The following OXSR1 variants were observed in gnomAD, a reference collection of about 807,000 sequenced individuals.
The protein encoded by OXSR1 is oxidative stress responsive kinase 1.
In OXSR1, 24 loss-of-function variants were observed where a neutral mutation model predicts 79.8. The observed-to-expected ratio is 0.30, with a 90% CI of 0.22 to 0.42. The LOEUF is 0.42. Among genes scored for constraint, OXSR1 ranks in the 10% least tolerant of loss-of-function variants. The probability of loss-of-function intolerance (pLI) is 1.00; values close to 1 mark genes in which losing one functional copy is unlikely to be tolerated. For missense variants in OXSR1, 430 were observed against 618.4 expected (o/e 0.70, Z 3.23); for synonymous variants, 226 against 209.2 (o/e 1.08, Z -0.69).
In OXSR1 at chr3:38,254,499, A is replaced by G. The variant is rs1221777468; in HGVS notation, c.*1608A>G. On this transcript the variant is annotated 3_prime_UTR_variant, in exon 18 of 18. Transcript: ENST00000311806. ...TGAGATGATCAGACACCGGAGTTCA[A>G]CGTCCCAGCAGTCTTGGTAAAAGGA... 1.6e-5 allele frequency: 6 copies of G among 364,092 alleles called. No individual in the cohort carries two copies. Among genetic ancestry groups the G allele is most frequent in the East Asian group, 7.9e-5 (2 of 25,434 alleles). 22.6% of individuals were successfully genotyped at this position (364,092 alleles called of 1,614,324 possible).
chr3:38,169,801 A>G (rs1701541853), intron 1 of OXSR1, among the ~76,000 whole-genome samples: 1 of 150,620 alleles, frequency 6.6e-6, no homozygotes, highest in Admixed American at 6.6e-5. Flanking sequence ...CAGTGTCATG[A>G]TCAGGGCTCA....
At chr3:38,164,309 C>T (rs1397692492), upstream of OXSR1, among the ~76,000 whole-genome samples, 1 of 152,158 alleles carries the variant, frequency 6.6e-6, no homozygotes, top group Admixed American at 6.5e-5. Context: ...CCACGCCCAG[C>T]GATTTTTCTG....
At chr3:38,229,643 G>C (rs757139224) in intron 8 of OXSR1, 44 bp from the exon 9 acceptor site, 8 of 1,530,910 alleles carry the variant, frequency 5.2e-6, no homozygotes, top group Non-Finnish European at 7.2e-6. Flanking sequence ...CATTACACTT[G>C]AATTAATTAT....
intron 12 of OXSR1, among the ~76,000 whole-genome samples, chr3:38,244,091 G>T (rs865973154): frequency 5.3e-5 from 8 of 152,124 alleles, no homozygotes; most frequent in Admixed American, 1.3e-4. Context: ...AGGATTATTT[G>T]TTACTTCTAA....
At chr3:38,165,175 CT>C (rs1701412948), upstream of OXSR1, 1 of 152,330 alleles carries the variant, frequency 6.6e-6, no homozygotes, top group Non-Finnish European at 1.5e-5. Flanking sequence ...ACACCCATTG[CT>C]TTTCTGATTC....
chr3:38,194,368 A>C (rs1263255131), intron 3 of OXSR1, among the ~76,000 whole-genome samples: 2 of 152,160 alleles, frequency 1.3e-5, no homozygotes, highest in Non-Finnish European at 2.9e-5. Context: ...CCTGGGCAAC[A>C]TGGCAAGACC....
chr3:38,197,703 GTCCTTCAT>G (rs1177174454), intron 3 of OXSR1, among the ~76,000 whole-genome samples: 1 of 152,156 alleles, frequency 6.6e-6, no homozygotes, highest in Admixed American at 6.5e-5. Flanking sequence ...CTTGCGTTCA[GTCCTTCAT>G]GTTTTTGAGA....
intron 10 of OXSR1, among the ~76,000 whole-genome samples, chr3:38,230,997 T>C (rs1196056054): frequency 1.3e-5 from 2 of 152,150 alleles, no homozygotes; most frequent in Admixed American, 1.3e-4. Flanking sequence ...AGCAGACTTA[T>C]CCAATGTGAA....
At chr3:38,191,274 A>C (rs1269908497) in intron 3 of OXSR1, among the ~76,000 whole-genome samples, 1 of 151,784 alleles carries the variant, frequency 6.6e-6, no homozygotes, top group Non-Finnish European at 1.5e-5. Flanking sequence ...TATGTTGCCC[A>C]GGTTCATGTC....
At chr3:38,167,731 G>A (rs1177990138) in intron 1 of OXSR1, among the ~76,000 whole-genome samples, 1 of 152,166 alleles carries the variant, frequency 6.6e-6, no homozygotes, top group Non-Finnish European at 1.5e-5. Context: ...TCTTTGACAT[G>A]TATTCGTTGG....
intron 3 of OXSR1, among the ~76,000 whole-genome samples, chr3:38,191,317 T>G (rs552582845): frequency 2.4e-4 from 37 of 152,166 alleles, no homozygotes; most frequent in Non-Finnish European, 4.9e-4. Flanking sequence ...CCTTCCTACT[T>G]GGCCTCCCAA....
intron 4 of OXSR1, among the ~76,000 whole-genome samples, chr3:38,211,261 C>T (rs1263954710): frequency 6.6e-6 from 1 of 152,106 alleles, no homozygotes; most frequent in Admixed American, 6.6e-5. Flanking sequence ...GAGCGGGACT[C>T]TAAGTATCAG....
intron 14 of OXSR1, among the ~76,000 whole-genome samples, chr3:38,248,081 T>C (rs1490386781): frequency 6.6e-6 from 1 of 152,134 alleles, no homozygotes; most frequent in African/African-American, 2.4e-5. Flanking sequence ...TGAAGATCAG[T>C]CTTATAATTG....
chr3:38,184,005 C>T (rs1416391800), intron 2 of OXSR1, among the ~76,000 whole-genome samples: 1 of 152,114 alleles, frequency 6.6e-6, no homozygotes, highest in African/African-American at 2.4e-5. Flanking sequence ...AGACTCTAAA[C>T]TGCCATACAA....
chr3:38,219,851 AG>A lies in OXSR1; in HGVS notation c.491-1725del, dbSNP rs1286714954. ...GAGAAAGCGTCTTGCTCTGTCACCC[AG>A]GCCAGAGTGCAGTGGTGCAAATGTA... On this transcript the variant is annotated intron_variant, in intron 5 of 17. Coordinates refer to ENST00000311806, the MANE Select transcript of OXSR1 (RefSeq NM_005109.3). 3.3e-5 allele frequency among the ~76,000 whole-genome samples: 5 copies of A among 152,244 alleles called. No individual in the cohort carries two copies. In the East Asian group the frequency reaches 7.7e-4, roughly 24 times the overall value.
intron 11 of OXSR1, among the ~76,000 whole-genome samples, chr3:38,238,291 A>G (rs757985636): frequency 1.3e-5 from 2 of 152,118 alleles, no homozygotes; most frequent in Admixed American, 6.6e-5. Context: ...AAAATAATAT[A>G]CCATGACCAA....
intron 5 of OXSR1, among the ~76,000 whole-genome samples, chr3:38,220,708 C>T (rs1398466057): frequency 6.6e-6 from 1 of 152,210 alleles, no homozygotes; most frequent in Non-Finnish European, 1.5e-5. Context: ...TCCAGTGACC[C>T]TTAATTTCTT....
At chr3:38,207,939 CCTTCCTTCCTTCCTTCCTTCCTTT>C (rs1702302573) in intron 4 of OXSR1, among the ~76,000 whole-genome samples, 1 of 128,530 alleles carries the variant, frequency 7.8e-6, no homozygotes, top group African/African-American at 3.0e-5. Context: ...CCCTTTCCTT[CCTTCCTTCCTTCCTTCCTTCCTTT>C]CTTCCTTCCA....
intron 4 of OXSR1, among the ~76,000 whole-genome samples, chr3:38,209,991 C>G (rs1164715341): frequency 2.0e-5 from 3 of 151,866 alleles, no homozygotes; most frequent in African/African-American, 7.3e-5. Context: ...TTTTATTTGT[C>G]TGAGAGAAGT....
Sources: gnomAD v4.1 joint callset for allele counts (sites outside exome capture counted in the v4.1 genomes callset) on GRCh38, gnomAD v4.1.1 for gene constraint, MANE v1.5 for transcripts, NCBI Gene and HGNC (gene_info 2026-07-23, HGNC 2026-07-21) for gene names.